Variants in TMEM164 observed in about 807,000 individuals in gnomAD.
TMEM164 encodes transmembrane protein 164.
TMEM164 carries 4 observed loss-of-function variants against 18.8 expected under a neutral mutation model. That is an observed-to-expected ratio of 0.21 (90% confidence interval 0.10 to 0.49). The LOEUF is 0.49. Ranked by LOEUF, TMEM164 falls within the 20% of genes least tolerant of loss-of-function variation. TMEM164 has a pLI of 0.98. For synonymous variants in TMEM164, 86 were observed against 101.7 expected (o/e 0.85, Z 0.93); for missense variants, 108 against 239.9 (o/e 0.45, Z 3.63).
Position 110,055,179 on chromosome X carries a change from T to TCAATTCCATA in TMEM164, c.391-12168_391-12167insCAATTCCATA, listed in dbSNP as rs1170549031. The TCAATTCCATA allele has an allele frequency of 2.3e-4, 66 of 287,944 alleles. 1 individual carries two copies. The East Asian group carries it at 2.7e-3, about 12-fold the overall frequency. 23.7% of individuals were successfully genotyped at this position (287,944 alleles called of 1,213,427 possible). Reference sequence around the variant, plus strand: ...CAATTCCATGCAAATGCTGTTTGTGTGCTATGGCCATGCTATTCTCTTGAA... The same window carrying TCAATTCCATA: ...CAATTCCATGCAAATGCTGTTTGTGTCAATTCCATAGCTATGGCCATGCTATTCTCTTGAA... On this transcript the variant is annotated intron_variant, in intron 2 of 6. Coordinates refer to ENST00000372068, the MANE Select transcript of TMEM164 (RefSeq NM_032227.4).
At chrX:110,017,405 C>CCTTT (rs1555984532) in intron 2 of TMEM164, among the ~76,000 whole-genome samples, 695 of 15,274 alleles carry the variant, frequency 0.046, 40 homozygotes, top group African/African-American at 0.074. Context: ...CCACCTCCTT[C>CCTTT]CTTTCTTTCT....
downstream of TMEM164, among the ~76,000 whole-genome samples, chrX:110,183,746 C>A (rs188430492): frequency 1.1e-3 from 126 of 112,501 alleles, no homozygotes; most frequent in Admixed American, 0.01. Flanking sequence ...GTGACAACTT[C>A]TTTGAACTTG....
At chrX:110,014,181 G>A (rs1933175250) in intron 2 of TMEM164, among the ~76,000 whole-genome samples, 1 of 111,619 alleles carries the variant, frequency 9.0e-6, no homozygotes, top group Admixed American at 9.5e-5. Context: ...CGGCAACTAA[G>A]ATGGTGAGGG....
At chrX:110,027,221 A>G (rs1034388465) in intron 2 of TMEM164, among the ~76,000 whole-genome samples, 1 of 111,121 alleles carries the variant, frequency 9.0e-6, no homozygotes, top group African/African-American at 3.3e-5. Flanking sequence ...TCCTATTCTA[A>G]GTTTGCTAAG....
intron 4 of TMEM164, among the ~76,000 whole-genome samples, chrX:110,132,489 T>C (rs2066626916): frequency 1.8e-5 from 2 of 112,062 alleles, no homozygotes; most frequent in Non-Finnish European, 3.8e-5. Context: ...GAGATATTTA[T>C]ATTCATATTG....
intron 2 of TMEM164, among the ~76,000 whole-genome samples, chrX:110,038,601 C>T (rs1934954264): frequency 9.0e-6 from 1 of 110,810 alleles, no homozygotes; most frequent in African/African-American, 3.3e-5. Flanking sequence ...GTGCCCCTTC[C>T]ACCTCACTCA....
intron 2 of TMEM164, chrX:110,020,539 C>G: frequency 1.3e-6 from 1 of 754,431 alleles, no homozygotes; most frequent in Non-Finnish European, 1.6e-6. Flanking sequence ...AGAAAGAAGA[C>G]TCTGACGGAG....
intron 3 of TMEM164, among the ~76,000 whole-genome samples, chrX:110,088,649 T>A (rs942364859): frequency 7.1e-5 from 8 of 111,981 alleles, no homozygotes; most frequent in Non-Finnish European, 1.3e-4. Context: ...TTATGTGTAT[T>A]CTTCCCTTAA....
intron 4 of TMEM164, among the ~76,000 whole-genome samples, chrX:110,130,853 A>G (rs2066602920): frequency 8.9e-6 from 1 of 111,885 alleles, no homozygotes; most frequent in Non-Finnish European, 1.9e-5. Flanking sequence ...ACCATCCTTC[A>G]GTGCTGATGG....
intron 5 of TMEM164, among the ~76,000 whole-genome samples, chrX:110,148,578 C>T (rs1319360306): frequency 3.7e-5 from 4 of 109,447 alleles, no homozygotes; most frequent in South Asian, 8.0e-4. Context: ...GGTGCAATCA[C>T]GACTCATTGC....
At chrX:110,079,987 T>G (rs1434211664) in intron 3 of TMEM164, among the ~76,000 whole-genome samples, 1 of 110,849 alleles carries the variant, frequency 9.0e-6, no homozygotes, top group African/African-American at 3.3e-5. Context: ...TAATAATAAT[T>G]AAAAAAAATG....
At position 110,109,690 on chromosome X, in the gene TMEM164, A is replaced by G. The variant is rs763025305; in HGVS notation, c.507+544A>G. Among the ~76,000 whole-genome samples the G allele has an allele frequency of 8.0e-5, 9 of 111,869 alleles. No individual in the cohort carries two copies. The South Asian group carries it at 3.4e-3, about 42-fold the overall frequency. On this transcript the variant is annotated intron_variant, in intron 4 of 6. Coordinates refer to ENST00000372068, the MANE Select transcript of TMEM164 (RefSeq NM_032227.4). Reference sequence around the variant, plus strand: ...GCCTCATAACCTGTCCACTTCTCCAAGGACTTCCTAGGGCAAGAATTAGAT... The same window carrying G: ...GCCTCATAACCTGTCCACTTCTCCAGGGACTTCCTAGGGCAAGAATTAGAT...
intron 3 of TMEM164, among the ~76,000 whole-genome samples, chrX:110,095,103 C>T (rs1478090727): frequency 8.9e-6 from 1 of 111,944 alleles, no homozygotes; most frequent in Non-Finnish European, 1.9e-5. Context: ...TCTCTGGCTG[C>T]CCTTAACATT....
intron 3 of TMEM164, among the ~76,000 whole-genome samples, chrX:110,085,355 T>A (rs1300717227): frequency 9.4e-6 from 1 of 106,813 alleles, no homozygotes; most frequent in Non-Finnish European, 1.9e-5. Context: ...ATATATATAT[T>A]AAAACAGGGT....
At chrX:110,081,316 A>T (rs1251916922) in intron 3 of TMEM164, among the ~76,000 whole-genome samples, 1 of 111,656 alleles carries the variant, frequency 9.0e-6, no homozygotes, top group Non-Finnish European at 1.9e-5. Flanking sequence ...CAGAGTCAGG[A>T]TTCCTATTCT....
chrX:110,144,788 A>G lies in TMEM164; in HGVS notation c.508-10A>G. On this transcript the variant is annotated splice_polypyrimidine_tract_variant and intron_variant, in intron 4 of 6. Coordinates refer to ENST00000372068, the MANE Select transcript of TMEM164 (RefSeq NM_032227.4). The stretch of plus-strand genomic sequence containing the variant: ...GCTCTAAAACACTTCTCTCCCTCCT[A>G]TCCTCACAGCTCCCCTTTGAATTGG... 1 of 1,199,176 alleles carries G rather than the reference A, an allele frequency of 8.3e-7. No homozygotes were observed. The highest frequency in any genetic ancestry group is 2.3e-4 in the Middle Eastern group (1 of 4,322).
intron 6 of TMEM164, 109 bp downstream of exon 6, chrX:110,171,629 T>C (rs2067232377): frequency 3.1e-6 from 2 of 649,773 alleles, no homozygotes; most frequent in Non-Finnish European, 5.1e-6. Flanking sequence ...TGCAAGATGC[T>C]AAAGGCCAGG....
At chrX:110,150,087 G>C (rs1255890474) in intron 5 of TMEM164, among the ~76,000 whole-genome samples, 2 of 112,091 alleles carry the variant, frequency 1.8e-5, no homozygotes, top group African/African-American at 6.5e-5. Context: ...TTATAGTTAT[G>C]ACTGAGATAA....
intron 3 of TMEM164, among the ~76,000 whole-genome samples, chrX:110,108,456 T>G (rs1401294003): frequency 9.0e-6 from 1 of 111,271 alleles, no homozygotes; most frequent in African/African-American, 3.3e-5. Context: ...GTGGTTTTCT[T>G]CTTCTTTTTT....
Sources: gnomAD v4.1 joint callset for allele counts (sites outside exome capture counted in the v4.1 genomes callset) on GRCh38, gnomAD v4.1.1 for gene constraint, MANE v1.5 for transcripts, NCBI Gene and HGNC (gene_info 2026-07-23, HGNC 2026-07-21) for gene names.